ANKFN1: variants seen among roughly 807,000 people sequenced by gnomAD.
ANKFN1 encodes the protein ankyrin repeat and fibronectin type III domain containing 1.
In ANKFN1, 74 loss-of-function variants were observed where a neutral mutation model predicts 108.7. The ratio of observed to expected loss-of-function variants is 0.68; its 90% confidence interval spans 0.56 to 0.83. The LOEUF (loss-of-function observed/expected upper bound fraction) is 0.83. Ranked by LOEUF, ANKFN1 falls within the 40% of genes least tolerant of loss-of-function variation. The probability of loss-of-function intolerance (pLI) is 0.00; values close to 1 mark genes in which losing one functional copy is unlikely to be tolerated. For synonymous variants in ANKFN1, 547 were observed against 516.2 expected, an observed-to-expected ratio of 1.06 and a Z score of -0.81; for missense variants, 1,505 against 1,382.3, an observed-to-expected ratio of 1.09 and a Z score of -1.41.
At chr17:56,055,725 C>T (rs1458896408) in intron 4 of ANKFN1, among the ~76,000 whole-genome samples, 1 of 150,408 alleles carries the variant, frequency 6.6e-6, no homozygotes, top group Non-Finnish European at 1.5e-5. Flanking sequence ...ATTTCTCTTT[C>T]TTTGGGTAGA....
chr17:56,460,913 G>A (rs564653587), intron 14 of ANKFN1, among the ~76,000 whole-genome samples: 111 of 152,146 alleles, frequency 7.3e-4, no homozygotes, highest in Non-Finnish European at 1.2e-3. Context: ...TTTCCTACCA[G>A]TTCTCAAACC....
chr17:56,121,040 A>C (rs1438920261), intron 4 of ANKFN1, among the ~76,000 whole-genome samples: 1 of 152,032 alleles, frequency 6.6e-6, no homozygotes, highest in African/African-American at 2.4e-5. Flanking sequence ...GCACTTAGTG[A>C]TTAATCTTCT....
At chr17:56,242,883 G>A (rs945178491) in intron 3 of ANKFN1, among the ~76,000 whole-genome samples, 5 of 152,088 alleles carry the variant, frequency 3.3e-5, no homozygotes, top group Middle Eastern at 3.4e-3. Flanking sequence ...AAACATGATT[G>A]TGTATTTAAT....
chr17:56,087,165 T>G (rs1431027713), intron 4 of ANKFN1, among the ~76,000 whole-genome samples: 1 of 151,232 alleles, frequency 6.6e-6, no homozygotes, highest in Non-Finnish European at 1.5e-5. Flanking sequence ...CCTTGACCTG[T>G]TTGATTCTGT....
chr17:56,325,114 G>T (rs922640564), intron 3 of ANKFN1, among the ~76,000 whole-genome samples: 1 of 152,148 alleles, frequency 6.6e-6, no homozygotes, highest in Non-Finnish European at 1.5e-5. Context: ...AGTTTATTTG[G>T]CTCCAGGTAT....
In ANKFN1 at chr17:56,218,469, CTT is replaced by C. The variant is rs371254587; in HGVS notation, c.12+5793_12+5794del. On this transcript the variant is annotated intron_variant, in intron 2 of 20. Coordinates refer to ENST00000682825, the MANE Select transcript of ANKFN1 (RefSeq NM_001370326.1). ...ACTCTTGCTTGTCTCTGTCCCATCT[CTT>C]TTCACTCTTCCATGTGGAATTCTTT... Among the ~76,000 whole-genome samples the C allele has an allele frequency of 1.9e-4, 29 of 152,238 alleles. 1 individual carries two copies. Among genetic ancestry groups the C allele is most frequent in the African/African-American group, 7.0e-4 (29 of 41,538 alleles).
chr17:56,241,554 G>A (rs374013691), intron 3 of ANKFN1, among the ~76,000 whole-genome samples: 1 of 152,010 alleles, frequency 6.6e-6, no homozygotes, highest in African/African-American at 2.4e-5. Flanking sequence ...AAATACTGTA[G>A]CATTAAATTA....
At chr17:56,493,561 GATCAC>G (rs1212679418) in intron 19 of ANKFN1, among the ~76,000 whole-genome samples, 6 of 152,138 alleles carry the variant, frequency 3.9e-5, no homozygotes, top group Admixed American at 3.3e-4. Flanking sequence ...AATGATAGCA[GATCAC>G]AAGGGCTTTA....
At chr17:56,193,401 A>AT (rs927082514) in intron 1 of ANKFN1, among the ~76,000 whole-genome samples, 7 of 151,492 alleles carry the variant, frequency 4.6e-5, no homozygotes, top group African/African-American at 1.7e-4. Flanking sequence ...TTAAAGTATA[A>AT]TTAAAAAAAA....
At chr17:56,119,776 G>A (rs758225218) in intron 4 of ANKFN1, among the ~76,000 whole-genome samples, 6 of 152,100 alleles carry the variant, frequency 3.9e-5, no homozygotes, top group African/African-American at 9.7e-5. Context: ...CATGAACTAC[G>A]TCCTGGACCT....
chr17:56,304,153 C>T (rs2044750751), intron 3 of ANKFN1, among the ~76,000 whole-genome samples: 4 of 152,140 alleles, frequency 2.6e-5, no homozygotes, highest in Admixed American at 2.6e-4. Flanking sequence ...CACCCACTTC[C>T]CTCCTGCCCC....
At chr17:56,377,343 C>T (rs1227843002) in intron 8 of ANKFN1, among the ~76,000 whole-genome samples, 1 of 152,186 alleles carries the variant, frequency 6.6e-6, no homozygotes, top group Non-Finnish European at 1.5e-5. Context: ...GTTTTCTTCA[C>T]ACCGTGGGGG....
At chr17:56,383,797 A>T (rs145991021) in intron 8 of ANKFN1, among the ~76,000 whole-genome samples, 1 of 151,970 alleles carries the variant, frequency 6.6e-6, no homozygotes, top group African/African-American at 2.4e-5. Context: ...TTGAATCTCT[A>T]AATAGACCAA....
intron 4 of ANKFN1, among the ~76,000 whole-genome samples, chr17:56,144,033 T>C (rs1908084744): frequency 6.6e-6 from 1 of 152,006 alleles, no homozygotes; most frequent in Non-Finnish European, 1.5e-5. Flanking sequence ...TTTATAATCA[T>C]CAGTCTGGAT....
chr17:56,292,875 C>T (rs1029905242), intron 3 of ANKFN1, among the ~76,000 whole-genome samples: 8 of 152,202 alleles, frequency 5.3e-5, no homozygotes, highest in Non-Finnish European at 1.0e-4. Flanking sequence ...ACTAAACAGT[C>T]ATACTTTGCT....
chr17:56,062,906 T>TGCAAG, intron 4 of ANKFN1, among the ~76,000 whole-genome samples: 1 of 152,332 alleles, frequency 6.6e-6, no homozygotes, highest in Non-Finnish European at 1.5e-5. Context: ...CAGGAGCTCT[T>TGCAAG]GCAAGGCAGG....
At chr17:56,048,875 G>A (rs890373168) in intron 4 of ANKFN1, among the ~76,000 whole-genome samples, 14 of 152,180 alleles carry the variant, frequency 9.2e-5, no homozygotes, top group Non-Finnish European at 1.9e-4. Flanking sequence ...TTCTTGGGCA[G>A]GATTTGAAGC....
chr17:56,485,248 G>C (rs2145390383), intron 18 of ANKFN1, among the ~76,000 whole-genome samples: 1 of 152,322 alleles, frequency 6.6e-6, no homozygotes, highest in East Asian at 1.9e-4. Context: ...AAATATCAGA[G>C]AAGTGAAGGT....
At chr17:56,085,207 A>ATATATATATATATC (rs1555592270) in intron 4 of ANKFN1, among the ~76,000 whole-genome samples, 5 of 133,638 alleles carry the variant, frequency 3.7e-5, no homozygotes, top group African/African-American at 1.1e-4. Flanking sequence ...ATATATATAT[A>ATATATATATATATC]TCTCCACATC....
Sources: allele counts gnomAD v4.1 joint callset (sites outside exome capture counted in the v4.1 genomes callset), GRCh38; gene constraint gnomAD v4.1.1; transcripts MANE v1.5; gene names NCBI Gene and HGNC (gene_info 2026-07-23, HGNC 2026-07-21).